MIPEP: variants seen among roughly 807,000 people sequenced by gnomAD.
The protein encoded by MIPEP is mitochondrial intermediate peptidase.
In MIPEP, 79 loss-of-function variants were observed where a neutral mutation model predicts 90.3. The ratio of observed to expected loss-of-function variants is 0.87; its 90% CI spans 0.73 to 1.05. The LOEUF (loss-of-function observed/expected upper bound fraction) is 1.05. MIPEP is among the 50% of genes least tolerant of loss of function. The pLI is 0.00. For synonymous variants in MIPEP, 334 were observed against 315.8 expected, an observed-to-expected ratio of 1.06 and a Z score of -0.61; for missense variants, 940 against 905.6, an observed-to-expected ratio of 1.04 and a Z score of -0.49.
chr13:23,875,793 G>A (rs889804329), intron 4 of MIPEP, among the ~76,000 whole-genome samples: 1 of 152,030 alleles, frequency 6.6e-6, no homozygotes, highest in Admixed American at 6.6e-5. Context: ...CAAAGATAAT[G>A]ACTATTAAAA....
At position 23,837,713 on chromosome 13, in the gene MIPEP, C is replaced by G; in HGVS notation, c.1382G>C (p.Gly461Ala). Residue 461 changes from glycine to alanine, a missense_variant, in exon 13 of 19, where the codon GGA becomes GCA. Coordinates refer to ENST00000382172, the MANE Select transcript of MIPEP (RefSeq NM_005932.4). ...AACTACAACTGGGAGTTGATAGTCT[C>G]CATCTTCCTTTAGTCTGCCTCCACG... ...TIRGGRLKED[G>A]DYQLPVVVLM... 1 of 1,614,030 alleles carries G rather than the reference C, an allele frequency of 6.2e-7. No homozygotes were observed. The highest frequency in any genetic ancestry group is 1.3e-5 in the African/African-American group (1 of 75,046).
intron 16 of MIPEP, among the ~76,000 whole-genome samples, chr13:23,772,868 T>A (rs1952668247): frequency 6.6e-6 from 1 of 152,064 alleles, no homozygotes; most frequent in Admixed American, 6.5e-5. Flanking sequence ...AGACAGTGAC[T>A]CTTCTTTAAA....
At chr13:23,814,623 C>G (rs117783455) in intron 14 of MIPEP, among the ~76,000 whole-genome samples, 1 of 152,102 alleles carries the variant, frequency 6.6e-6, no homozygotes, top group African/African-American at 2.4e-5. Flanking sequence ...AAATCAAGAA[C>G]GTTTATATTA....
chr13:23,797,028 G>C (rs933216313), intron 16 of MIPEP, among the ~76,000 whole-genome samples: 2 of 152,196 alleles, frequency 1.3e-5, no homozygotes, highest in Non-Finnish European at 2.9e-5. Flanking sequence ...GAAAGGAGCA[G>C]AGCATTATAT....
chr13:23,768,663 G>C (rs1416499089), intron 16 of MIPEP, among the ~76,000 whole-genome samples: 1 of 152,142 alleles, frequency 6.6e-6, no homozygotes, highest in Non-Finnish European at 1.5e-5. Flanking sequence ...CTGAGCCTGG[G>C]AGCAGAGGTG....
Position 23,756,537 on chromosome 13 carries a change from T to C in MIPEP, c.2044+8A>G, listed in dbSNP as rs1308283831. ...ATTATAGATGGTGCCATTTTGGTTT[T>C]GTTTTACCTTCAACCATGAGCATGG... is the stretch of plus-strand genomic sequence containing the variant. On this transcript the variant is annotated splice_region_variant and intron_variant, in intron 18 of 18. Transcript: ENST00000382172. 7.4e-6 allele frequency: 12 copies of C among 1,613,430 alleles called. No individual in the cohort carries two copies. Among genetic ancestry groups the C allele is most frequent in the Non-Finnish European group, 1.0e-5 (12 of 1,179,498 alleles).
At chr13:23,837,245 C>A (rs963006479) in intron 13 of MIPEP, among the ~76,000 whole-genome samples, 2 of 152,118 alleles carry the variant, frequency 1.3e-5, no homozygotes, top group Non-Finnish European at 2.9e-5. Context: ...TAAGGAGATA[C>A]GTTTTTATTC....
chr13:23,839,673 A>T lies in MIPEP; in HGVS notation c.1314T>A (p.Phe438Leu), dbSNP rs1240500402. 6.2e-7 allele frequency: 1 copy of T among 1,612,520 alleles called. No individual in the cohort carries two copies. The highest frequency in any genetic ancestry group is 8.5e-7 in the Non-Finnish European group (1 of 1,179,176). ...GLLGYIYCDF[F>L]QRADKPHQDC... is the part of the protein sequence containing the mutation. ...CCTGATGTGGTTTGTCTGCTCGCTGAAAAAAATCACAGTAAATGTACCCCA... is the reference window on the plus strand; with the variant it reads ...CCTGATGTGGTTTGTCTGCTCGCTGTAAAAAATCACAGTAAATGTACCCCA... Residue 438 changes from phenylalanine (F) to leucine (L), a missense_variant, in exon 12 of 19, where the codon TTT becomes TTA. Phe to Leu is a conservative substitution (Grantham distance 22). Transcript: ENST00000382172.
At chr13:23,821,530 C>A (rs1953305060) in intron 14 of MIPEP, among the ~76,000 whole-genome samples, 1 of 152,150 alleles carries the variant, frequency 6.6e-6, no homozygotes, top group Non-Finnish European at 1.5e-5. Context: ...ACTCTCTGGG[C>A]TCATCTTCAC....
chr13:23,778,552 T>C (rs1049071495), intron 16 of MIPEP, among the ~76,000 whole-genome samples: 1 of 152,148 alleles, frequency 6.6e-6, no homozygotes, highest in Admixed American at 6.5e-5. Context: ...AATGAAAGAA[T>C]GCTGAACACA....
intron 16 of MIPEP, among the ~76,000 whole-genome samples, chr13:23,798,101 T>A (rs1280414728): frequency 2.0e-5 from 3 of 152,206 alleles, no homozygotes; most frequent in Non-Finnish European, 4.4e-5. Context: ...CACATACATA[T>A]ACATTATATC....
chr13:23,740,743 G>A (rs867964477), intron 18 of MIPEP, among the ~76,000 whole-genome samples: 5 of 152,346 alleles, frequency 3.3e-5, no homozygotes, highest in African/African-American at 1.2e-4. Flanking sequence ...AGCAGGGGTT[G>A]TTCCTGGACA....
rs976145704 is a variant in MIPEP at position 23,738,769 on chromosome 13, A to G, written c.2045-8324T>C. 6.6e-5 allele frequency among the ~76,000 whole-genome samples: 10 copies of G among 152,288 alleles called. 1 individual carries two copies. The highest frequency in any genetic ancestry group is 6.5e-4 in the Admixed American group (10 of 15,302). On this transcript the variant is annotated intron_variant, in intron 18 of 18. Coordinates refer to ENST00000382172, the MANE Select transcript of MIPEP (RefSeq NM_005932.4). ...GACTGGCTGAGACTTTCTTCTGAAA[A>G]CTATGATCCAGTGGACCTAAAAGTG...
rs1227883367 is a variant in MIPEP, at chr13:23,874,439, C to T, written c.603+407G>A. ...CATCCCAGTGTAAACACTGTGTAAT[C>T]TATGCTTGTTCCATCAGTCAAACAC... On this transcript the variant is annotated intron_variant, in intron 5 of 18. Coordinates refer to ENST00000382172, the MANE Select transcript of MIPEP (RefSeq NM_005932.4). Among the ~76,000 whole-genome samples the T allele has an allele frequency of 2.0e-5, 3 of 151,756 alleles. No individual in the cohort carries two copies. In the South Asian group the frequency reaches 6.2e-4, roughly 31 times the overall value.
At chr13:23,864,394 A>C (rs1231567492) in intron 7 of MIPEP, among the ~76,000 whole-genome samples, 5 of 152,184 alleles carry the variant, frequency 3.3e-5, no homozygotes, top group Non-Finnish European at 5.9e-5. Flanking sequence ...GAAAAAAATT[A>C]AATTGGCATA....
At chr13:23,843,498 T>C (rs1440039186) in intron 10 of MIPEP, among the ~76,000 whole-genome samples, 3 of 152,206 alleles carry the variant, frequency 2.0e-5, no homozygotes, top group Non-Finnish European at 4.4e-5. Context: ...TTTTATCACA[T>C]TGCAAAAAGA....
rs78841032 is a variant in MIPEP, at chr13:23,856,568, A to G, written c.1106+2292T>C. ...AGAACTTTCTAGGAAGGGGGTGCTA[A>G]CTTCCCGGTCATTGGCCTTGGCACT... On this transcript the variant is annotated intron_variant, in intron 10 of 18. Coordinates refer to ENST00000382172, the MANE Select transcript of MIPEP (RefSeq NM_005932.4). 2.2e-3 allele frequency among the ~76,000 whole-genome samples: 331 copies of G among 152,302 alleles called. 2 individuals are homozygous for G. The highest frequency in any genetic ancestry group is 7.1e-3 in the African/African-American group (296 of 41,564).
At chr13:23,814,086 T>C (rs999346949) in intron 14 of MIPEP, among the ~76,000 whole-genome samples, 1 of 152,218 alleles carries the variant, frequency 6.6e-6, no homozygotes, top group African/African-American at 2.4e-5. Flanking sequence ...TGAGGCATCA[T>C]AAATAATTTT....
rs573185622 is a variant in MIPEP, at chr13:23,822,948, T to G, written c.1654-13024A>C. ...TTACCCAGGCTGGAGTGCAGTGGCA[T>G]GATCTCGGCTCACTGCAACCTCCGC... On this transcript the variant is annotated intron_variant, in intron 14 of 18. Coordinates refer to ENST00000382172, the MANE Select transcript of MIPEP (RefSeq NM_005932.4). 2.6e-5 allele frequency among the ~76,000 whole-genome samples: 4 copies of G among 151,874 alleles called. No individual in the cohort carries two copies. In the South Asian group the frequency reaches 6.3e-4, roughly 24 times the overall value.
Sources: allele counts gnomAD v4.1 joint callset (sites outside exome capture counted in the v4.1 genomes callset), GRCh38; gene constraint gnomAD v4.1.1; transcripts MANE v1.5; gene names NCBI Gene and HGNC (gene_info 2026-07-23, HGNC 2026-07-21).